Variants in COPS2 observed in about 807,000 individuals in gnomAD.
COPS2 encodes the protein COP9 signalosome subunit 2, also known as COP9 signalosome complex subunit 2.
Under a neutral mutation model 66.1 loss-of-function variants are expected in COPS2, and 10 were observed. The ratio of observed to expected loss-of-function variants is 0.15; its 90% CI spans 0.09 to 0.26. The LOEUF (loss-of-function observed/expected upper bound fraction) is 0.26. COPS2 is among the 10% of genes least tolerant of loss of function. COPS2 has a pLI of 1.00. For missense variants in COPS2, 215 were observed against 513.3 expected (o/e 0.42, Z 5.62); for synonymous variants, 179 against 171.3 (o/e 1.04, Z -0.35).
In COPS2 at chr15:49,126,779, T is replaced by G. The variant is rs1238399241; in HGVS notation, c.*1171A>C. 2 of 152,096 alleles carry G rather than the reference T, an allele frequency of 1.3e-5. No individual in the cohort carries two copies. The highest frequency in any genetic ancestry group is 4.8e-5 in the African/African-American group (2 of 41,452). 9.4% of individuals were successfully genotyped at this position (152,096 alleles called of 1,614,324 possible). A position where few individuals can be genotyped will look rare whatever the true frequency, so the allele number is the denominator to read the frequency against. On this transcript the variant is annotated 3_prime_UTR_variant, in exon 13 of 13. Transcript: ENST00000388901. ...CCAGTTATATACTTTCTGCATTACC[T>G]CAAAGTTAGGTGGAAGTTTTGGAAA... is the stretch of plus-strand genomic sequence containing the variant.
chr15:49,149,755 G>A (rs2141133816), intron 1 of COPS2, among the ~76,000 whole-genome samples: 1 of 152,148 alleles, frequency 6.6e-6, no homozygotes, highest in East Asian at 1.9e-4. Flanking sequence ...TGTACTTTAG[G>A]AAAACAATAC....
At position 49,123,101 on chromosome 15, in the gene COPS2, A is replaced by T. The variant is rs1034343387; in HGVS notation, c.*4849T>A. On this transcript the variant is annotated 3_prime_UTR_variant, in exon 13 of 13. Coordinates refer to ENST00000388901, the MANE Select transcript of COPS2 (RefSeq NM_004236.4). ...AATTTTCTTCAGTGTTATTTAAAATAGATGCATAAAAATTTATTACTGTCG... is the reference window on the plus strand; with the variant it reads ...AATTTTCTTCAGTGTTATTTAAAATTGATGCATAAAAATTTATTACTGTCG... 1 of 152,222 alleles carries T rather than the reference A, an allele frequency of 6.6e-6. No homozygotes were observed. Among genetic ancestry groups the T allele is most frequent in the Non-Finnish European group, 1.5e-5 (1 of 68,020 alleles). 9.4% of individuals were successfully genotyped at this position (152,222 alleles called of 1,614,324 possible).
rs1315030381 is a variant in COPS2 at position 49,124,251 on chromosome 15, A to C, written c.*3699T>G. On this transcript the variant is annotated 3_prime_UTR_variant, in exon 13 of 13. Coordinates refer to ENST00000388901, the MANE Select transcript of COPS2 (RefSeq NM_004236.4). ...GCTGGGCGTGGTGGCGGGTGTCTGT[A>C]ATCCCAGCTACTCCGGAGATTGAGG... is the stretch of plus-strand genomic sequence containing the variant. 6.6e-6 allele frequency: 1 copy of C among 152,240 alleles called. No homozygotes were observed. Among genetic ancestry groups the C allele is most frequent in the African/African-American group, 2.4e-5 (1 of 41,422 alleles). 9.4% of individuals were successfully genotyped at this position (152,240 alleles called of 1,614,324 possible). A position where few individuals can be genotyped will look rare whatever the true frequency, so the allele number is the denominator to read the frequency against.
At chr15:49,148,022 C>A (rs919076618) in intron 1 of COPS2, among the ~76,000 whole-genome samples, 2 of 152,168 alleles carry the variant, frequency 1.3e-5, no homozygotes, top group Non-Finnish European at 2.9e-5. Context: ...CATCACTAAC[C>A]CATCATTTGC....
chr15:49,142,134 G>A (rs1358853084), intron 3 of COPS2, among the ~76,000 whole-genome samples: 1 of 152,182 alleles, frequency 6.6e-6, no homozygotes, highest in East Asian at 1.9e-4. Flanking sequence ...AAAATGGAAA[G>A]AAAGCATGGG....
chr15:49,154,584 C>A (rs941614071), intron 1 of COPS2, among the ~76,000 whole-genome samples: 1 of 152,128 alleles, frequency 6.6e-6, no homozygotes, highest in East Asian at 1.9e-4. Flanking sequence ...GCAGCATCAC[C>A]ATAAAAGAAC....
Position 49,137,333 on chromosome 15 carries a change from T to C in COPS2, c.462+15A>G. ...CCACTTTTCAAAAGAAAAGTGTAAG[T>C]ATTATAACGGTTACCTTTGTGTTTG... On this transcript the variant is annotated intron_variant, in intron 5 of 12. Transcript: ENST00000388901. 6.3e-7 allele frequency: 1 copy of C among 1,580,438 alleles called. No homozygotes were observed. Among genetic ancestry groups the C allele is most frequent in the Middle Eastern group, 1.7e-4 (1 of 5,988 alleles).
chr15:49,150,957 CTAG>C (rs1353357474), intron 1 of COPS2, among the ~76,000 whole-genome samples: 1 of 152,058 alleles, frequency 6.6e-6, no homozygotes, highest in African/African-American at 2.4e-5. Flanking sequence ...AAGAACAATA[CTAG>C]TAAACATTTA....
chr15:49,136,683 T>C (rs927670146), intron 6 of COPS2, among the ~76,000 whole-genome samples: 1 of 152,120 alleles, frequency 6.6e-6, no homozygotes, highest in African/African-American at 2.4e-5. Context: ...TGGTACCTCA[T>C]TAGACAAAGA....
Position 49,132,099 on chromosome 15 carries a change from A to G in COPS2, c.948-1283T>C, listed in dbSNP as rs752575381. Among the ~76,000 whole-genome samples, 49 of 152,272 alleles carry G rather than the reference A, an allele frequency of 3.2e-4. 2 individuals are homozygous for G. Among genetic ancestry groups the G allele is most frequent in the Non-Finnish European group, 5.9e-4 (40 of 67,996 alleles). ...ATGTCTAGGGTAAAGCTTTTCCTCA[A>G]TATTTCTTAGAGTTTTAAAAGTGTA... On this transcript the variant is annotated intron_variant, in intron 9 of 12. Transcript: ENST00000388901.
intron 6 of COPS2, among the ~76,000 whole-genome samples, chr15:49,136,461 T>C (rs970825841): frequency 2.3e-4 from 35 of 152,194 alleles, no homozygotes; most frequent in African/African-American, 4.8e-4. Flanking sequence ...TAGCTACACA[T>C]AGCTGGTGCT....
chr15:49,150,161 G>A (rs1432350375), intron 1 of COPS2, among the ~76,000 whole-genome samples: 1 of 151,092 alleles, frequency 6.6e-6, no homozygotes, highest in East Asian at 1.9e-4. Flanking sequence ...GGTGGCGCAT[G>A]CCTGTAATCC....
intron 1 of COPS2, among the ~76,000 whole-genome samples, chr15:49,154,227 T>C (rs1163462950): frequency 6.6e-6 from 1 of 152,066 alleles, no homozygotes; most frequent in African/African-American, 2.4e-5. Context: ...GTAATATAAA[T>C]AAACAGGTAA....
intron 1 of COPS2, among the ~76,000 whole-genome samples, 178 bp downstream of exon 1, chr15:49,155,347 G>A (rs1450156396): frequency 1.3e-5 from 2 of 152,222 alleles, no homozygotes; most frequent in South Asian, 2.1e-4. Flanking sequence ...CCCCCATGCT[G>A]GAGAAGCAGG....
intron 3 of COPS2, 29 bp downstream of exon 3, chr15:49,144,198 A>G (rs2084307113): frequency 7.2e-7 from 1 of 1,397,266 alleles, no homozygotes; most frequent in Non-Finnish European, 1.0e-6. Flanking sequence ...AAAATTTATT[A>G]GTTTAATTCC....
At chr15:49,147,725 C>CAAAAAAAAAAAAAAA (rs34315247) in intron 1 of COPS2, among the ~76,000 whole-genome samples, 1 of 94,832 alleles carries the variant, frequency 1.1e-5, no homozygotes, top group Non-Finnish European at 2.0e-5. Context: ...GTTACAACTC[C>CAAAAAAAAAAAAAAA]AAAAAAAAAA....
chr15:49,150,259 A>AT (rs1430471179), intron 1 of COPS2, among the ~76,000 whole-genome samples: 9 of 149,156 alleles, frequency 6.0e-5, no homozygotes, highest in East Asian at 2.0e-4. Context: ...AAAAAAAAAA[A>AT]AAATAAATAA....
chr15:49,144,977 G>T lies in COPS2; in HGVS notation c.156C>A (p.Ser52Arg). The change falls in exon 2 of 13, where the codon AGC becomes AGA. Residue 52 changes from serine to arginine, a missense_variant. Transcript: ENST00000388901. ...LKEDDPKAAL[S>R]SFQKVLELEG... Reference sequence around the variant, plus strand: ...AAAGAATATAAACCTTTTGGAAACTGCTTAATGCCGCTTTTGGGTCATCTT... The same window carrying T: ...AAAGAATATAAACCTTTTGGAAACTTCTTAATGCCGCTTTTGGGTCATCTT... 1 of 1,576,000 alleles carries T rather than the reference G, an allele frequency of 6.3e-7. No homozygotes were observed. Among genetic ancestry groups the T allele is most frequent in the Non-Finnish European group, 8.6e-7 (1 of 1,162,318 alleles).
intron 9 of COPS2, among the ~76,000 whole-genome samples, chr15:49,133,534 C>G (rs567731281): frequency 1.4e-5 from 2 of 141,732 alleles, no homozygotes; most frequent in African/African-American, 5.1e-5. Context: ...CAGACAGACA[C>G]ACACACATGG....
Sources: gnomAD v4.1 joint callset for allele counts (sites outside exome capture counted in the v4.1 genomes callset) on GRCh38, gnomAD v4.1.1 for gene constraint, MANE v1.5 for transcripts, NCBI Gene and HGNC (gene_info 2026-07-23, HGNC 2026-07-21) for gene names.